SEPTIN9: variants seen among roughly 807,000 people sequenced by gnomAD.
SEPTIN9 encodes septin 9, also known as septin-9.
Under a neutral mutation model 56.6 loss-of-function variants are expected in SEPTIN9, and 13 were observed. The ratio of observed to expected loss-of-function variants is 0.23; its 90% CI spans 0.15 to 0.37. SEPTIN9 has a LOEUF of 0.37. Among genes scored for constraint, SEPTIN9 ranks in the 10% least tolerant of loss-of-function variants. The probability of loss-of-function intolerance (pLI) is 1.00; values close to 1 mark genes in which losing one functional copy is unlikely to be tolerated. For missense variants in SEPTIN9, 650 were observed against 823.1 expected, an observed-to-expected ratio of 0.79 and a Z score of 2.57; for synonymous variants, 332 against 334.1, an observed-to-expected ratio of 0.99 and a Z score of 0.07.
At chr17:77,493,438 T>C (rs1236150754) in intron 10 of SEPTIN9, among the ~76,000 whole-genome samples, 1 of 152,228 alleles carries the variant, frequency 6.6e-6, no homozygotes, top group African/African-American at 2.4e-5. Context: ...GCTGTAGCTC[T>C]GTGAGCCAGA....
chr17:77,380,113 C>T (rs2035083347), intron 2 of SEPTIN9: 2 of 169,326 alleles, frequency 1.2e-5, no homozygotes, highest in African/African-American at 4.8e-5. Context: ...TCTGCAGAGC[C>T]CCGAGGCTCC....
At chr17:77,376,047 G>A in intron 2 of SEPTIN9, 3 of 914,694 alleles carry the variant, frequency 3.3e-6, no homozygotes, top group Non-Finnish European at 3.8e-6. Flanking sequence ...TCCGAATCAG[G>A]GTAGAGAAAA....
In SEPTIN9 at chr17:77,499,325, C is replaced by G. The variant is rs548916140; in HGVS notation, c.*667C>G. On this transcript the variant is annotated 3_prime_UTR_variant, in exon 12 of 12. Coordinates refer to ENST00000427177, the MANE Select transcript of SEPTIN9 (RefSeq NM_001113491.2). ...CATCCGCAGACTGCTTGGCCAGATG[C>G]GGGGACAGGCTGGAATGAGGGAGGC... The G allele has an allele frequency of 3.4e-6, 2 of 595,434 alleles. No individual in the cohort carries two copies. Among genetic ancestry groups the G allele is most frequent in the South Asian group, 1.4e-5 (1 of 71,260 alleles). 36.9% of individuals were successfully genotyped at this position (595,434 alleles called of 1,614,324 possible).
chr17:77,321,361 C>T (rs898563740), intron 2 of SEPTIN9, among the ~76,000 whole-genome samples: 5 of 150,006 alleles, frequency 3.3e-5, no homozygotes, highest in East Asian at 2.0e-4. Flanking sequence ...CTCTCTAGGA[C>T]GTGTGGTCCC....
chr17:77,345,597 G>A (rs2033866049), intron 2 of SEPTIN9, among the ~76,000 whole-genome samples: 1 of 152,218 alleles, frequency 6.6e-6, no homozygotes, highest in African/African-American at 2.4e-5. Flanking sequence ...GGGTGTCTGA[G>A]AAGTTTGCTG....
Position 77,390,022 on chromosome 17 carries a change from C to T in SEPTIN9, c.77-12037C>T, listed in dbSNP as rs144478162. 1.0e-3 allele frequency among the ~76,000 whole-genome samples: 154 copies of T among 152,248 alleles called. 1 individual carries two copies. The highest frequency in any genetic ancestry group is 3.3e-3 in the African/African-American group (137 of 41,552). On this transcript the variant is annotated intron_variant, in intron 2 of 11. Coordinates refer to ENST00000427177, the MANE Select transcript of SEPTIN9 (RefSeq NM_001113491.2). Reference sequence around the variant, plus strand: ...GGAACCAGGGGCACGCGGTAGATGACGGGAGCAGGCACAGAGAGGCCTTCG... The same window carrying T: ...GGAACCAGGGGCACGCGGTAGATGATGGGAGCAGGCACAGAGAGGCCTTCG...
intron 3 of SEPTIN9, among the ~76,000 whole-genome samples, chr17:77,457,780 C>T (rs889686780): frequency 1.3e-5 from 2 of 152,260 alleles, no homozygotes; most frequent in African/African-American, 4.8e-5. Context: ...GGACCGGGCA[C>T]CCTGGTGCCC....
chr17:77,440,936 TG>T (rs1598379688), intron 3 of SEPTIN9, among the ~76,000 whole-genome samples: 1 of 152,220 alleles, frequency 6.6e-6, no homozygotes, highest in Non-Finnish European at 1.5e-5. Context: ...AGACCCTGGA[TG>T]GCTCCCAAAT....
chr17:77,362,427 G>A (rs1252368742), intron 2 of SEPTIN9, among the ~76,000 whole-genome samples: 4 of 152,268 alleles, frequency 2.6e-5, no homozygotes, highest in African/African-American at 9.6e-5. Flanking sequence ...TTGCAGGACT[G>A]CTGGGGCAAG....
At chr17:77,470,079 C>G (rs938331099) in intron 3 of SEPTIN9, among the ~76,000 whole-genome samples, 1 of 151,268 alleles carries the variant, frequency 6.6e-6, no homozygotes, top group Non-Finnish European at 1.5e-5. Flanking sequence ...ATTCACCCAT[C>G]TATCCATCCA....
At chr17:77,486,453 G>T (rs1049698793) in intron 4 of SEPTIN9, among the ~76,000 whole-genome samples, 1 of 151,854 alleles carries the variant, frequency 6.6e-6, no homozygotes, top group Non-Finnish European at 1.5e-5. Flanking sequence ...GCAGCTCTGT[G>T]CAGGGTAAAG....
intron 2 of SEPTIN9, among the ~76,000 whole-genome samples, chr17:77,393,255 C>A (rs2035602581): frequency 6.6e-6 from 1 of 152,170 alleles, no homozygotes; most frequent in South Asian, 2.1e-4. Context: ...GCAGACCGTG[C>A]CCCCAGCCTT....
intron 3 of SEPTIN9, among the ~76,000 whole-genome samples, chr17:77,411,280 G>A (rs547824657): frequency 6.6e-6 from 1 of 152,168 alleles, no homozygotes; most frequent in East Asian, 1.9e-4. Context: ...AAGTCAATGT[G>A]TAAATATAGA....
chr17:77,315,881 G>T (rs57250603), intron 2 of SEPTIN9, among the ~76,000 whole-genome samples: 1,643 of 152,312 alleles, frequency 0.011, 23 homozygotes, highest in African/African-American at 0.037. Context: ...CTGTCTGGAA[G>T]GGGCTTTTGG....
intron 2 of SEPTIN9, among the ~76,000 whole-genome samples, chr17:77,394,128 G>T (rs1200825108): frequency 6.6e-6 from 1 of 152,184 alleles, no homozygotes; most frequent in East Asian, 1.9e-4. Flanking sequence ...TAAATAGGAG[G>T]TGAAGGAGCC....
intron 1 of SEPTIN9, among the ~76,000 whole-genome samples, chr17:77,291,861 C>T (rs952775832): frequency 6.6e-6 from 1 of 152,162 alleles, no homozygotes; most frequent in Non-Finnish European, 1.5e-5. Context: ...CATGATGAGT[C>T]CCTTTTCTGG....
Position 77,477,631 on chromosome 17 carries a change from C to T in SEPTIN9, c.722-4513C>T, listed in dbSNP as rs539253823. On this transcript the variant is annotated intron_variant, in intron 3 of 11. Coordinates refer to ENST00000427177, the MANE Select transcript of SEPTIN9 (RefSeq NM_001113491.2). ...GATATCACTGAGTAAGCCACAGCCT[C>T]GGGCACCCAGGAGCTCGCAGAGCAG... Among the ~76,000 whole-genome samples, 8 of 152,260 alleles carry T rather than the reference C, an allele frequency of 5.3e-5. No homozygotes were observed. The East Asian group carries it at 9.7e-4, about 18-fold the overall frequency.
rs574612081 is a variant in SEPTIN9 at position 77,360,348 on chromosome 17, C to G, written c.77-41711C>G. On this transcript the variant is annotated intron_variant, in intron 2 of 11. Transcript: ENST00000427177. ...AGTAAGGGGCATTCTAGACATACCC[C>G]CCTTCCCAGGGAAGAATAAGCCGTA... is the stretch of plus-strand genomic sequence containing the variant. Among the ~76,000 whole-genome samples the G allele has an allele frequency of 2.0e-5, 3 of 152,264 alleles. No individual in the cohort carries two copies. In the East Asian group the frequency reaches 5.8e-4, roughly 29 times the overall value.
rs12969 is a variant in SEPTIN9, at chr17:77,499,447, G to A, written c.*789G>A. The A allele has an allele frequency of 2.3e-3, 1,204 of 535,062 alleles. 3 individuals carry two copies. Among genetic ancestry groups the A allele is most frequent in the Non-Finnish European group, 2.8e-3 (763 of 275,378 alleles). The allele number at this position is 535,062 out of a possible 1,614,324, so 33.1% of individuals were successfully genotyped here. The stretch of plus-strand genomic sequence containing the variant: ...CTGGGATCTGATTGAGGATAAAAAG[G>A]AAGGAGAGATGACCCCTACCCCCTC... On this transcript the variant is annotated 3_prime_UTR_variant, in exon 12 of 12. Coordinates refer to ENST00000427177, the MANE Select transcript of SEPTIN9 (RefSeq NM_001113491.2).
Sources: gnomAD v4.1 joint callset for allele counts (sites outside exome capture counted in the v4.1 genomes callset) on GRCh38, gnomAD v4.1.1 for gene constraint, MANE v1.5 for transcripts, NCBI Gene and HGNC (gene_info 2026-07-23, HGNC 2026-07-21) for gene names.